PIK3CA: variants seen among roughly 807,000 people sequenced by gnomAD.
PIK3CA encodes phosphatidylinositol 4,5-bisphosphate 3-kinase catalytic subunit alpha isoform.
In PIK3CA, 27 loss-of-function variants were observed where a neutral mutation model predicts 138.2. The ratio of observed to expected loss-of-function variants is 0.20; its 90% CI spans 0.14 to 0.27. The LOEUF (loss-of-function observed/expected upper bound fraction) is 0.27, where lower values mean the gene tolerates loss of function less well. PIK3CA is among the 10% of genes least tolerant of loss of function. The pLI, the probability that PIK3CA is intolerant of heterozygous loss-of-function variation, is 1.00. For synonymous variants in PIK3CA, 358 were observed against 413.2 expected, an observed-to-expected ratio of 0.87 and a Z score of 1.62; for missense variants, 544 against 1,277.4, an observed-to-expected ratio of 0.43 and a Z score of 8.75.
At chr3:179,210,127 AGT>A in intron 7 of PIK3CA, 57 bp from the exon 8 acceptor site, 2 of 1,298,076 alleles carry the variant, frequency 1.5e-6, no homozygotes, top group Non-Finnish European at 2.1e-6. Context: ...GGGGAAGAAA[AGT>A]GTTTTGAAAT....
chr3:179,157,404 A>T (rs551043224), intron 1 of PIK3CA, among the ~76,000 whole-genome samples: 1 of 152,188 alleles, frequency 6.6e-6, no homozygotes, highest in Non-Finnish European at 1.5e-5. Context: ...AACTCAGAAC[A>T]GTTTAAAATA....
Position 179,198,782 on chromosome 3 carries a change from C to G in PIK3CA, c.-44C>G, listed in dbSNP as rs775318906. On this transcript the variant is annotated 5_prime_UTR_variant, in exon 2 of 21. Coordinates refer to ENST00000263967, the MANE Select transcript of PIK3CA (RefSeq NM_006218.4). ...CTTTGGGACAACCATACATCTAATT[C>G]CTTAAAGTAGTTTTATATGTAAAAC... 1 of 1,152,194 alleles carries G rather than the reference C, an allele frequency of 8.7e-7. No homozygotes were observed. Among genetic ancestry groups the G allele is most frequent in the Non-Finnish European group, 1.2e-6 (1 of 817,990 alleles). 71.4% of individuals were successfully genotyped at this position (1,152,194 alleles called of 1,614,324 possible).
In PIK3CA at chr3:179,219,143, C is replaced by T; in HGVS notation, c.1665-53C>T. On this transcript the variant is annotated intron_variant, in intron 10 of 20. Transcript: ENST00000263967. The surrounding 1 kb of genome is among the most constrained non-coding windows in gnomAD (Gnocchi z 4.2). ...CATATGGAGAAGTTAGACATGTCAA[C>T]CTTTTGAACAGCATGCAAGAATGTT... is the stretch of plus-strand genomic sequence containing the variant. The T allele has an allele frequency of 2.8e-6, 3 of 1,087,372 alleles. No individual in the cohort carries two copies. Among genetic ancestry groups the T allele is most frequent in the Non-Finnish European group, 4.2e-6 (3 of 711,896 alleles). The allele number at this position is 1,087,372 out of a possible 1,614,324, so 67.4% of individuals were successfully genotyped here.
At chr3:179,193,256 G>T (rs1382212440) in intron 1 of PIK3CA, among the ~76,000 whole-genome samples, 1 of 152,140 alleles carries the variant, frequency 6.6e-6, no homozygotes, top group South Asian at 2.1e-4. Context: ...TCTGATGATC[G>T]AGGCATCTGT....
chr3:179,194,062 A>AT (rs1724202171), intron 1 of PIK3CA, among the ~76,000 whole-genome samples: 1 of 151,908 alleles, frequency 6.6e-6, no homozygotes, highest in Admixed American at 6.6e-5. Flanking sequence ...AATTTTAGGG[A>AT]TTTTTCTCTA....
chr3:179,200,653 G>A (rs896872150), intron 3 of PIK3CA, among the ~76,000 whole-genome samples: 20 of 151,934 alleles, frequency 1.3e-4, no homozygotes, highest in South Asian at 8.3e-4. Flanking sequence ...TCATTTTCCC[G>A]AACATTCTTT....
chr3:179,218,963 T>C (rs916870544), intron 10 of PIK3CA, among the ~76,000 whole-genome samples: 5 of 152,078 alleles, frequency 3.3e-5, no homozygotes, highest in African/African-American at 7.2e-5. Context: ...TAAGTACTTA[T>C]AATCCATTTG....
At chr3:179,151,243 A>G in intron 1 of PIK3CA, among the ~76,000 whole-genome samples, 1 of 152,302 alleles carries the variant, frequency 6.6e-6, no homozygotes, top group Non-Finnish European at 1.5e-5. Flanking sequence ...TATCCCTAAG[A>G]AATGGTATTC....
At chr3:179,167,486 C>T (rs933978441) in intron 1 of PIK3CA, among the ~76,000 whole-genome samples, 1 of 152,028 alleles carries the variant, frequency 6.6e-6, no homozygotes, top group Non-Finnish European at 1.5e-5. Flanking sequence ...CTCATTCTTC[C>T]TTTCAAGTCT....
At chr3:179,210,993 A>G (rs1227305706) in intron 9 of PIK3CA, among the ~76,000 whole-genome samples, 1 of 152,344 alleles carries the variant, frequency 6.6e-6, no homozygotes, top group African/African-American at 2.4e-5. Context: ...CAATAAATAT[A>G]TTGGAAAATT....
intron 1 of PIK3CA, among the ~76,000 whole-genome samples, chr3:179,189,132 C>T (rs559018907): frequency 1.8e-4 from 28 of 151,974 alleles, no homozygotes; most frequent in African/African-American, 5.5e-4. Context: ...GAGAATTGCT[C>T]GAACCTCGTA....
At chr3:179,190,096 A>G (rs1480953526) in intron 1 of PIK3CA, among the ~76,000 whole-genome samples, 1 of 152,220 alleles carries the variant, frequency 6.6e-6, no homozygotes, top group African/African-American at 2.4e-5. Flanking sequence ...GTTTAAAATT[A>G]CGCTTCTTAG....
intron 1 of PIK3CA, among the ~76,000 whole-genome samples, chr3:179,197,001 C>T (rs1724280950): frequency 6.6e-6 from 1 of 151,912 alleles, no homozygotes; most frequent in Non-Finnish European, 1.5e-5. Context: ...GGTTTCCTCT[C>T]TTCTTTCTTG....
At chr3:179,176,982 G>A (rs571429714) in intron 1 of PIK3CA, among the ~76,000 whole-genome samples, 3 of 152,162 alleles carry the variant, frequency 2.0e-5, no homozygotes, top group South Asian at 2.1e-4. Context: ...GTTTTTTTCA[G>A]TATGGTAGGT....
rs1240286993 is a variant in PIK3CA, at chr3:179,230,506, A to C, written c.2936+130A>C. 3 of 743,412 alleles carry C rather than the reference A, an allele frequency of 4.0e-6. No homozygotes were observed. Among genetic ancestry groups the C allele is most frequent in the Non-Finnish European group, 4.3e-6 (2 of 465,788 alleles). The allele number at this position is 743,412 out of a possible 1,614,324, so 46.1% of individuals were successfully genotyped here. The stretch of plus-strand genomic sequence containing the variant: ...GTGGTGGTTCATGCCTGTAATCCCA[A>C]CTCTTTGGGAGGCCGAGGCTGGAGG... On this transcript the variant is annotated intron_variant, in intron 20 of 20. Coordinates refer to ENST00000263967, the MANE Select transcript of PIK3CA (RefSeq NM_006218.4). The surrounding 1 kb of genome is among the most constrained non-coding windows in gnomAD (Gnocchi z 5.4).
At chr3:179,210,599 T>C (rs1281058239) in intron 9 of PIK3CA, 34 bp downstream of exon 9, 1 of 1,599,974 alleles carries the variant, frequency 6.3e-7, no homozygotes, top group East Asian at 2.2e-5. Flanking sequence ...TAAGTATCAA[T>C]TATAATCTGT....
chr3:179,224,832 G>A lies in PIK3CA; in HGVS notation c.2416+11G>A. On this transcript the variant is annotated intron_variant, in intron 16 of 20. Transcript: ENST00000263967. Reference sequence around the variant, plus strand: ...TTAAAAATGGGGATGGTAAGGAAGAGTATTAATGAGCTTATGATGCATGAA... The same window carrying A: ...TTAAAAATGGGGATGGTAAGGAAGAATATTAATGAGCTTATGATGCATGAA... 1 of 1,589,794 alleles carries A rather than the reference G, an allele frequency of 6.3e-7. No individual in the cohort carries two copies. The highest frequency in any genetic ancestry group is 8.6e-7 in the Non-Finnish European group (1 of 1,160,040).
intron 1 of PIK3CA, among the ~76,000 whole-genome samples, chr3:179,152,825 C>G (rs1298584088): frequency 6.6e-6 from 1 of 152,140 alleles, no homozygotes; most frequent in Non-Finnish European, 1.5e-5. Context: ...ATTCCACTGT[C>G]AAACACCCAG....
At chr3:179,156,261 T>A (rs1723137673) in intron 1 of PIK3CA, among the ~76,000 whole-genome samples, 1 of 152,206 alleles carries the variant, frequency 6.6e-6, no homozygotes, top group South Asian at 2.1e-4. Flanking sequence ...CTTTGGAGAA[T>A]AAATTGCTAC....
Sources: gnomAD v4.1 joint callset for allele counts (sites outside exome capture counted in the v4.1 genomes callset) on GRCh38, gnomAD v4.1.1 for gene constraint, Gnocchi (gnomAD v3.1) non-coding constraint, MANE v1.5 for transcripts, NCBI Gene and HGNC (gene_info 2026-07-23, HGNC 2026-07-21) for gene names.